Variants in TSNARE1 observed in about 807,000 individuals in gnomAD.
TSNARE1 encodes t-SNARE domain containing 1.
In TSNARE1, 49 loss-of-function variants were observed where a neutral mutation model predicts 62.0. The ratio of observed to expected loss-of-function variants is 0.79; its 90% CI spans 0.63 to 1.00. TSNARE1 has a LOEUF of 1.00. Ranked by LOEUF, TSNARE1 falls within the 50% of genes least tolerant of loss-of-function variation. TSNARE1 has a pLI of 0.00. For synonymous variants in TSNARE1, 328 were observed against 294.4 expected, an observed-to-expected ratio of 1.11 and a Z score of -1.17; for missense variants, 755 against 700.1, an observed-to-expected ratio of 1.08 and a Z score of -0.88.
intron 11 of TSNARE1, chr8:142,278,604 G>A: frequency 1.0e-6 from 1 of 985,402 alleles, no homozygotes; most frequent in Non-Finnish European, 1.2e-6. Context: ...GCAGGAGGAA[G>A]CACGGAGCCA....
intron 12 of TSNARE1, among the ~76,000 whole-genome samples, chr8:142,230,545 G>C (rs753497277): frequency 6.6e-6 from 1 of 152,118 alleles, no homozygotes; most frequent in Non-Finnish European, 1.5e-5. Flanking sequence ...CCAGACAGGC[G>C]GAAGACTAAC....
upstream of TSNARE1, chr8:142,405,605 C>T (rs528964286): frequency 5.2e-5 from 8 of 152,388 alleles, no homozygotes; most frequent in Non-Finnish European, 1.2e-4. Flanking sequence ...AATGCTCCCT[C>T]TCTGAATAGT....
At chr8:142,366,857 G>A (rs1835583686) in intron 1 of TSNARE1, among the ~76,000 whole-genome samples, 1 of 152,140 alleles carries the variant, frequency 6.6e-6, no homozygotes, top group Admixed American at 6.5e-5. Flanking sequence ...TAAATGATAT[G>A]ACAGTATACT....
At chr8:142,311,331 CT>C (rs1420946325) in intron 9 of TSNARE1, among the ~76,000 whole-genome samples, 1 of 83,542 alleles carries the variant, frequency 1.2e-5, no homozygotes, top group Non-Finnish European at 2.1e-5. Flanking sequence ...GAGTTTTGCT[CT>C]TGTTGCCCAG....
intron 6 of TSNARE1, among the ~76,000 whole-genome samples, chr8:142,329,444 C>T (rs1830707280): frequency 6.6e-6 from 1 of 152,230 alleles, no homozygotes; most frequent in Admixed American, 6.5e-5. Context: ...TCCGGACGTG[C>T]CCATCCCACC....
chr8:142,263,084 A>G (rs1455435010), intron 12 of TSNARE1, among the ~76,000 whole-genome samples: 2 of 151,978 alleles, frequency 1.3e-5, no homozygotes, highest in African/African-American at 4.8e-5. Flanking sequence ...CCCAGCTAGC[A>G]CCCTCGACTT....
intron 5 of TSNARE1, 139 bp downstream of exon 5, chr8:142,331,615 C>G: frequency 2.6e-6 from 2 of 780,930 alleles, no homozygotes; most frequent in Admixed American, 4.1e-5. Flanking sequence ...AACGTCGCAT[C>G]AGTGGACCCA....
chr8:142,290,298 C>T (rs922714170), intron 10 of TSNARE1, among the ~76,000 whole-genome samples: 3 of 152,070 alleles, frequency 2.0e-5, no homozygotes, highest in East Asian at 1.9e-4. Context: ...TCGGGGGACA[C>T]GCAGGCCATA....
intron 13 of TSNARE1, among the ~76,000 whole-genome samples, chr8:142,222,767 TTC>T (rs1816443577): frequency 2.1e-5 from 1 of 46,606 alleles, no homozygotes. Flanking sequence ...CACTCACTCA[TTC>T]ACTCATCCAC....
intron 6 of TSNARE1, among the ~76,000 whole-genome samples, chr8:142,327,974 C>T (rs1455381757): frequency 6.6e-6 from 1 of 152,156 alleles, no homozygotes. Flanking sequence ...ACCCTCACCA[C>T]ACTGGGGAGG....
chr8:142,347,604 C>T (rs1833542983), intron 2 of TSNARE1, among the ~76,000 whole-genome samples: 1 of 152,204 alleles, frequency 6.6e-6, no homozygotes, highest in Admixed American at 6.5e-5. Flanking sequence ...CCACAGGCCC[C>T]CAGAGAGACC....
intron 1 of TSNARE1, chr8:142,365,774 A>G (rs1835507835): frequency 1.2e-5 from 3 of 254,344 alleles, no homozygotes; most frequent in Non-Finnish European, 2.4e-5. Flanking sequence ...CAAAAGTCCT[A>G]AATTAAACCT....
chr8:142,214,236 T>A (rs1815719921), intron 13 of TSNARE1, among the ~76,000 whole-genome samples: 1 of 151,994 alleles, frequency 6.6e-6, no homozygotes, highest in Admixed American at 6.5e-5. Context: ...GCAGCTGGAG[T>A]CAGGGCAGAC....
At chr8:142,341,865 C>G (rs570853424) in intron 4 of TSNARE1, among the ~76,000 whole-genome samples, 1 of 152,210 alleles carries the variant, frequency 6.6e-6, no homozygotes, top group Non-Finnish European at 1.5e-5. Flanking sequence ...CCTGACAGCA[C>G]CAGGAAACCC....
intron 10 of TSNARE1, among the ~76,000 whole-genome samples, chr8:142,290,477 A>G (rs1823569433): frequency 6.6e-6 from 1 of 152,246 alleles, no homozygotes; most frequent in South Asian, 2.1e-4. Flanking sequence ...AGCCCCTTGC[A>G]CGAGACATAA....
At chr8:142,335,898 A>G (rs745851619) in intron 4 of TSNARE1, among the ~76,000 whole-genome samples, 16 of 152,240 alleles carry the variant, frequency 1.1e-4, no homozygotes, top group Non-Finnish European at 2.2e-4. Flanking sequence ...TGCAGATGAC[A>G]GGGCCTTTCA....
chr8:142,304,411 G>A (rs1330053383), intron 9 of TSNARE1, among the ~76,000 whole-genome samples: 2 of 152,236 alleles, frequency 1.3e-5, no homozygotes, highest in East Asian at 3.8e-4. Flanking sequence ...GGGCCTCACT[G>A]TCCTCATCTG....
At chr8:142,292,997 C>T (rs1429177041) in intron 10 of TSNARE1, among the ~76,000 whole-genome samples, 1 of 152,180 alleles carries the variant, frequency 6.6e-6, no homozygotes, top group Admixed American at 6.5e-5. Flanking sequence ...TGTCAGACCA[C>T]GGCTCGCCTT....
chr8:142,306,096 GCTCA>G (rs1826624054), intron 9 of TSNARE1, among the ~76,000 whole-genome samples: 1 of 152,216 alleles, frequency 6.6e-6, no homozygotes, highest in African/African-American at 2.4e-5. Context: ...GCCCCAGATA[GCTCA>G]CTGTTTCCTC....
Sources: gnomAD v4.1 joint callset for allele counts (sites outside exome capture counted in the v4.1 genomes callset) on GRCh38, gnomAD v4.1.1 for gene constraint, MANE v1.5 for transcripts, NCBI Gene and HGNC (gene_info 2026-07-23, HGNC 2026-07-21) for gene names.